The following DMD variants were observed in gnomAD, a reference collection of about 807,000 sequenced individuals.
DMD encodes dystrophin.
A neutral mutation model predicts 330.1 loss-of-function variants in DMD; 63 were observed. That is an observed-to-expected ratio of 0.19 (90% confidence interval 0.16 to 0.24). The LOEUF is 0.24. DMD is among the 10% of genes least tolerant of loss of function. The pLI is 1.00. For synonymous variants in DMD, 1,223 were observed against 959.8 expected (o/e 1.27, Z -5.07); for missense variants, 3,344 against 2,684.1 (o/e 1.25, Z -5.43).
chrX:32,386,221 G>T, intron 33 of DMD, 89 bp downstream of exon 33: 3 of 1,036,560 alleles, frequency 2.9e-6, no homozygotes, highest in Non-Finnish European at 4.1e-6. Context: ...GAATTGCTAA[G>T]ACTCTAATCA....
intron 50 of DMD, among the ~76,000 whole-genome samples, chrX:31,792,290 T>C (rs956142954): frequency 8.9e-6 from 1 of 112,644 alleles, no homozygotes; most frequent in Non-Finnish European, 1.9e-5. Flanking sequence ...ATTTAGATTA[T>C]GAGAAATGTC....
intron 7 of DMD, among the ~76,000 whole-genome samples, chrX:32,753,576 A>G (rs2071099456): frequency 8.9e-6 from 1 of 111,967 alleles, no homozygotes; most frequent in South Asian, 3.7e-4. Flanking sequence ...TTCTTCCCTC[A>G]GCTGTGGGTG....
intron 61 of DMD, among the ~76,000 whole-genome samples, chrX:31,341,891 G>GCGCGCGCGCACGCACACACACA: frequency 2.0e-5 from 2 of 98,893 alleles, no homozygotes; most frequent in South Asian, 1.0e-3. Flanking sequence ...GTGCGCGCGC[G>GCGCGCGCGCACGCACACACACA]CACACACACA....
chrX:32,164,798 C>T (rs1337359884), intron 44 of DMD, among the ~76,000 whole-genome samples: 2 of 109,249 alleles, frequency 1.8e-5, no homozygotes, highest in African/African-American at 6.9e-5. Context: ...ACCAGGTCCC[C>T]CCCCCAACCC....
intron 55 of DMD, among the ~76,000 whole-genome samples, chrX:31,618,628 T>C (rs781749662): frequency 5.4e-5 from 6 of 111,876 alleles, no homozygotes; most frequent in African/African-American, 2.0e-4. Flanking sequence ...GGTAGGACAG[T>C]AGAGTTGGTA....
chrX:32,238,171 A>G (rs2097194948), intron 43 of DMD, among the ~76,000 whole-genome samples: 1 of 112,277 alleles, frequency 8.9e-6, no homozygotes, highest in African/African-American at 3.2e-5. Context: ...TCCAAAATTT[A>G]GCAGCTTAAA....
chrX:32,586,747 A>G (rs2054333047), intron 13 of DMD, among the ~76,000 whole-genome samples: 1 of 111,078 alleles, frequency 9.0e-6, no homozygotes, highest in South Asian at 3.8e-4. Context: ...GTTGTCACAC[A>G]TCTGAATACC....
intron 1 of DMD, among the ~76,000 whole-genome samples, chrX:33,151,333 C>T (rs1411909243): frequency 2.7e-5 from 3 of 112,462 alleles, no homozygotes; most frequent in Non-Finnish European, 3.8e-5. Flanking sequence ...CCAAACATCT[C>T]TTACATTTTA....
At chrX:32,094,693 T>C (rs1448613413) in intron 44 of DMD, among the ~76,000 whole-genome samples, 7 of 110,811 alleles carry the variant, frequency 6.3e-5, no homozygotes, top group Non-Finnish European at 1.9e-5. Flanking sequence ...GAAATAATTA[T>C]TGGTTATCTA....
At chrX:32,496,544 A>G (rs555531493) in intron 19 of DMD, among the ~76,000 whole-genome samples, 1 of 112,115 alleles carries the variant, frequency 8.9e-6, no homozygotes, top group South Asian at 3.7e-4. Flanking sequence ...TTTATTTTCA[A>G]ACATCATAAA....
intron 2 of DMD, among the ~76,000 whole-genome samples, chrX:32,966,095 C>T (rs1244083254): frequency 1.8e-5 from 2 of 112,012 alleles, no homozygotes; most frequent in Non-Finnish European, 1.9e-5. Flanking sequence ...AAAGATTCAG[C>T]TACATCTGGT....
intron 1 of DMD, among the ~76,000 whole-genome samples, chrX:33,169,133 AC>A (rs1251368222): frequency 9.0e-6 from 1 of 111,132 alleles, no homozygotes; most frequent in Non-Finnish European, 1.9e-5. Context: ...CAGAAAAAAA[AC>A]AATTACTGTT....
chrX:32,160,322 C>T (rs898053548), intron 44 of DMD, among the ~76,000 whole-genome samples: 7 of 109,822 alleles, frequency 6.4e-5, no homozygotes, highest in Admixed American at 4.9e-4. Flanking sequence ...CAACCTCTGC[C>T]TCCCGAGTTC....
intron 9 of DMD, among the ~76,000 whole-genome samples, chrX:32,665,761 G>T (rs1033141776): frequency 8.9e-6 from 1 of 112,155 alleles, no homozygotes; most frequent in African/African-American, 3.2e-5. Flanking sequence ...CTAAGACCTT[G>T]TCAAGTTAGT....
intron 52 of DMD, among the ~76,000 whole-genome samples, chrX:31,693,329 T>C (rs748678636): frequency 9.0e-6 from 1 of 111,307 alleles, no homozygotes; most frequent in Admixed American, 9.5e-5. Context: ...TGCACAACAG[T>C]AAAACGTAGA....
At chrX:33,179,331 A>T in intron 1 of DMD, among the ~76,000 whole-genome samples, 1 of 112,024 alleles carries the variant, frequency 8.9e-6, no homozygotes, top group Non-Finnish European at 1.9e-5. Flanking sequence ...CTTCAGAATT[A>T]GAAACTTAAC....
chrX:32,105,666 A>C (rs1250067596), intron 44 of DMD, among the ~76,000 whole-genome samples: 1 of 112,069 alleles, frequency 8.9e-6, no homozygotes, highest in African/African-American at 3.2e-5. Context: ...TAACTGTCAC[A>C]CAAAGCTCAG....
intron 17 of DMD, among the ~76,000 whole-genome samples, chrX:32,524,755 G>T: frequency 1.8e-5 from 2 of 112,335 alleles, no homozygotes; most frequent in South Asian, 7.4e-4. Flanking sequence ...CTACAGAAAG[G>T]TCTTTCCTCA....
At chrX:32,008,623 T>C (rs1228464152) in intron 44 of DMD, among the ~76,000 whole-genome samples, 1 of 58,023 alleles carries the variant, frequency 1.7e-5, no homozygotes, top group Non-Finnish European at 5.0e-5. Flanking sequence ...GAGACTGTGG[T>C]AGAAAAACAT....
Sources: allele counts gnomAD v4.1 joint callset (sites outside exome capture counted in the v4.1 genomes callset), GRCh38; gene constraint gnomAD v4.1.1; transcripts MANE v1.5; gene names NCBI Gene and HGNC (gene_info 2026-07-23, HGNC 2026-07-21).